Variants in COLGALT2 observed in about 807,000 individuals in gnomAD.
The protein encoded by COLGALT2 is procollagen galactosyltransferase 2.
In COLGALT2, 49 loss-of-function variants were observed where a neutral mutation model predicts 73.4. That is an observed-to-expected ratio of 0.67 (90% confidence interval 0.53 to 0.85). The LOEUF (loss-of-function observed/expected upper bound fraction) is 0.85. Among genes scored for constraint, COLGALT2 ranks in the 40% least tolerant of loss-of-function variants. The probability of loss-of-function intolerance (pLI) is 0.00; values close to 1 mark genes in which losing one functional copy is unlikely to be tolerated. For missense variants in COLGALT2, 722 were observed against 790.2 expected (o/e 0.91, Z 1.03); for synonymous variants, 295 against 307.6 (o/e 0.96, Z 0.43).
intron 11 of COLGALT2, among the ~76,000 whole-genome samples, 193 bp from the exon 12 acceptor site, chr1:183,939,230 A>G (rs779155660): frequency 6.6e-6 from 1 of 152,260 alleles, no homozygotes; most frequent in Non-Finnish European, 1.5e-5. Context: ...GCTCCCAAGC[A>G]AAAAGATCAG....
At chr1:184,008,425 TG>T (rs1225231416) in intron 1 of COLGALT2, among the ~76,000 whole-genome samples, 1 of 152,172 alleles carries the variant, frequency 6.6e-6, no homozygotes, top group African/African-American at 2.4e-5. Context: ...ACATGTAGAT[TG>T]TAGATGAAAG....
At chr1:183,989,564 C>A (rs1197845593) in intron 1 of COLGALT2, among the ~76,000 whole-genome samples, 1 of 152,170 alleles carries the variant, frequency 6.6e-6, no homozygotes, top group Admixed American at 6.5e-5. Flanking sequence ...TGGGAGAAAG[C>A]TGAAGGAAGT....
chr1:184,026,136 T>C (rs1195476119), intron 1 of COLGALT2, among the ~76,000 whole-genome samples: 1 of 152,134 alleles, frequency 6.6e-6, no homozygotes, highest in Admixed American at 6.5e-5. Flanking sequence ...TCCAAGACCT[T>C]TCACAGGACA....
At chr1:183,972,785 C>T (rs993802394) in intron 4 of COLGALT2, among the ~76,000 whole-genome samples, 36 of 152,078 alleles carry the variant, frequency 2.4e-4, no homozygotes, top group Non-Finnish European at 3.1e-4. Context: ...CTGCAAGCTC[C>T]GCCTCCCAAG....
At chr1:183,931,394 T>C (rs1245401285), downstream of COLGALT2, among the ~76,000 whole-genome samples, 1 of 152,114 alleles carries the variant, frequency 6.6e-6, no homozygotes, top group Admixed American at 6.5e-5. Flanking sequence ...CCACCTACTA[T>C]CCTGAGCATC....
chr1:183,941,913 T>C (rs1558308204), intron 10 of COLGALT2, among the ~76,000 whole-genome samples: 1 of 152,054 alleles, frequency 6.6e-6, no homozygotes, highest in Non-Finnish European at 1.5e-5. Context: ...ATATATTTTT[T>C]CCATGAAACA....
At chr1:184,029,453 G>GCAAGT (rs1407724478) in intron 1 of COLGALT2, among the ~76,000 whole-genome samples, 3 of 152,270 alleles carry the variant, frequency 2.0e-5, no homozygotes. Context: ...CATGGGTCAG[G>GCAAGT]CAAGTCAAGT....
chr1:184,008,105 A>G (rs1377248683), intron 1 of COLGALT2, among the ~76,000 whole-genome samples: 1 of 152,094 alleles, frequency 6.6e-6, no homozygotes, highest in Non-Finnish European at 1.5e-5. Flanking sequence ...TAACATCACT[A>G]GAAAGGGGCA....
chr1:183,946,814 A>G (rs768113609), intron 8 of COLGALT2, among the ~76,000 whole-genome samples: 5 of 152,162 alleles, frequency 3.3e-5, no homozygotes, highest in Non-Finnish European at 7.4e-5. Flanking sequence ...GGCAGATCAG[A>G]AGGTCTGGAG....
intron 6 of COLGALT2, among the ~76,000 whole-genome samples, chr1:183,956,085 C>T (rs987515599): frequency 6.6e-6 from 1 of 152,206 alleles, no homozygotes; most frequent in Non-Finnish European, 1.5e-5. Context: ...AGGAAAGACA[C>T]CTGCTCTGCA....
intron 10 of COLGALT2, among the ~76,000 whole-genome samples, chr1:183,941,027 G>A (rs1670093699): frequency 1.3e-5 from 2 of 152,176 alleles, no homozygotes; most frequent in Non-Finnish European, 2.9e-5. Context: ...CCTAGTGGAC[G>A]GTTTTCAAGA....
chr1:183,965,361 T>C (rs953523327), intron 5 of COLGALT2, among the ~76,000 whole-genome samples: 1 of 152,198 alleles, frequency 6.6e-6, no homozygotes, highest in Non-Finnish European at 1.5e-5. Flanking sequence ...AAATTATCCA[T>C]CAAGTGTGAG....
chr1:183,975,554 C>A (rs555488396), intron 2 of COLGALT2, among the ~76,000 whole-genome samples: 83 of 152,312 alleles, frequency 5.4e-4, no homozygotes, highest in African/African-American at 1.9e-3. Context: ...GGGGCACAAT[C>A]AAGATTTGAA....
rs550491095 is a variant in COLGALT2, at chr1:183,972,572, T to TA, written c.627+1043dup. On this transcript the variant is annotated intron_variant, in intron 4 of 11. Transcript: ENST00000361927. ...ATTTTACTATGAAAAAAAGAAATAA[T>TA]AAAAAATCAAACCTTTTTTAACTTG... Among the ~76,000 whole-genome samples, 585 of 147,876 alleles carry TA rather than the reference T, an allele frequency of 4.0e-3. 1 individual carries two copies. The highest frequency in any genetic ancestry group is 6.8e-3 in the Non-Finnish European group (453 of 66,512).
At chr1:184,009,459 G>C (rs989729517) in intron 1 of COLGALT2, among the ~76,000 whole-genome samples, 4 of 152,140 alleles carry the variant, frequency 2.6e-5, no homozygotes, top group Admixed American at 6.5e-5. Flanking sequence ...ATGCCAGAAA[G>C]CTCCTAAATC....
intron 1 of COLGALT2, among the ~76,000 whole-genome samples, chr1:184,013,073 G>A (rs1648863036): frequency 6.6e-6 from 1 of 152,240 alleles, no homozygotes; most frequent in South Asian, 2.1e-4. Context: ...TCAGCACTTT[G>A]GGAGGCCAAG....
intron 4 of COLGALT2, among the ~76,000 whole-genome samples, chr1:183,972,972 C>T (rs532526646): frequency 3.7e-4 from 56 of 152,252 alleles, no homozygotes; most frequent in Middle Eastern, 3.4e-3. Flanking sequence ...GTGCTGGGAT[C>T]ACAGGTGTGA....
intron 10 of COLGALT2, among the ~76,000 whole-genome samples, chr1:183,941,945 G>A (rs887631855): frequency 4.0e-5 from 6 of 150,080 alleles, no homozygotes; most frequent in Non-Finnish European, 5.9e-5. Flanking sequence ...TTGGTAGGAC[G>A]ACAGTTTACT....
At chr1:183,976,988 C>T (rs1671213803) in intron 2 of COLGALT2, among the ~76,000 whole-genome samples, 1 of 152,140 alleles carries the variant, frequency 6.6e-6, no homozygotes, top group African/African-American at 2.4e-5. Flanking sequence ...CTGGATAAAG[C>T]ACATTTTCTT....
Sources: gnomAD v4.1 joint callset for allele counts (sites outside exome capture counted in the v4.1 genomes callset) on GRCh38, gnomAD v4.1.1 for gene constraint, MANE v1.5 for transcripts, NCBI Gene and HGNC (gene_info 2026-07-23, HGNC 2026-07-21) for gene names.